The following RMST variants were observed in gnomAD, a reference collection of about 807,000 sequenced individuals.
The protein encoded by RMST is long intergenic non-protein coding RNA 54.
intron 13 of RMST, among the ~76,000 whole-genome samples, chr12:97,561,505 T>G (rs1310372812): frequency 6.6e-6 from 1 of 152,128 alleles, no homozygotes. Flanking sequence ...GAATCTGAAT[T>G]TTCAATTCAC....
intron 5 of RMST, among the ~76,000 whole-genome samples, chr12:97,470,266 G>T (rs928658909): frequency 2.6e-5 from 4 of 152,074 alleles, no homozygotes; most frequent in African/African-American, 9.7e-5. Flanking sequence ...GTGTTTGTAG[G>T]TGTGCCCAAC....
At chr12:97,492,786 C>T (rs1431103902) in intron 6 of RMST, 1 of 152,058 alleles carries the variant, frequency 6.6e-6, no homozygotes, top group Non-Finnish European at 1.5e-5. Context: ...AGTTTACTCC[C>T]TTGAAGGTCC....
intron 5 of RMST, among the ~76,000 whole-genome samples, chr12:97,467,276 T>A (rs1008444460): frequency 4.6e-5 from 7 of 152,038 alleles, no homozygotes; most frequent in African/African-American, 1.7e-4. Flanking sequence ...TCAGGAGATG[T>A]ACACACAAGT....
chr12:97,530,157 G>C (rs951024911), intron 10 of RMST, among the ~76,000 whole-genome samples: 1 of 152,124 alleles, frequency 6.6e-6, no homozygotes, highest in Non-Finnish European at 1.5e-5. Context: ...CACCAACATA[G>C]CACAGAGGTA....
chr12:97,498,360 C>T (rs968827352), intron 10 of RMST, among the ~76,000 whole-genome samples: 4 of 152,048 alleles, frequency 2.6e-5, no homozygotes, highest in Non-Finnish European at 4.4e-5. Context: ...TCTGCTCTAC[C>T]ACTTATTAGC....
chr12:97,559,379 T>C (rs935751331), intron 11 of RMST, among the ~76,000 whole-genome samples: 3 of 152,196 alleles, frequency 2.0e-5, no homozygotes, highest in Non-Finnish European at 4.4e-5. Context: ...AATTTAGTAG[T>C]GGGGCACCAG....
At chr12:97,532,656 T>TG (rs1319037818) in intron 11 of RMST, 3 of 149,534 alleles carry the variant, frequency 2.0e-5, no homozygotes, top group African/African-American at 4.9e-5. Flanking sequence ...TTTTTTTTTT[T>TG]TTTTTTTTTT....
At chr12:97,562,693 G>C (rs1394708570) in intron 13 of RMST, among the ~76,000 whole-genome samples, 1 of 152,230 alleles carries the variant, frequency 6.6e-6, no homozygotes, top group African/African-American at 2.4e-5. Flanking sequence ...ATAAACTAGA[G>C]TTTCAGATGC....
At chr12:97,543,637 T>C (rs919862152) in intron 11 of RMST, among the ~76,000 whole-genome samples, 2 of 151,996 alleles carry the variant, frequency 1.3e-5, no homozygotes, top group Admixed American at 1.3e-4. Context: ...CTGTCTAACA[T>C]TTATATAATG....
At chr12:97,539,787 A>C (rs1882362369) in intron 11 of RMST, among the ~76,000 whole-genome samples, 1 of 151,588 alleles carries the variant, frequency 6.6e-6, no homozygotes, top group Admixed American at 6.6e-5. Context: ...AGACATTTCA[A>C]TGAATTGTCT....
In RMST at chr12:97,517,092, T is replaced by G. The variant is rs75998751; in HGVS notation, n.1341-13563T>G. ...TCTTTAAAGATTAGATATTATAAACTCTCCTCTTATCAGATGGAAAGATTG... is the reference window on the plus strand; with the variant it reads ...TCTTTAAAGATTAGATATTATAAACGCTCCTCTTATCAGATGGAAAGATTG... On this transcript the variant is annotated intron_variant and non_coding_transcript_variant, in intron 10 of 13. Transcript: ENST00000640149. Among the ~76,000 whole-genome samples the G allele has an allele frequency of 2.6e-4, 40 of 152,026 alleles. No homozygotes were observed. The East Asian group carries it at 6.4e-3, about 24-fold the overall frequency.
chr12:97,521,450 A>ATG (rs1880502197), intron 10 of RMST, among the ~76,000 whole-genome samples: 4 of 152,072 alleles, frequency 2.6e-5, no homozygotes, highest in African/African-American at 7.3e-5. Context: ...ATGTATGTAT[A>ATG]TATAATATAC....
intron 11 of RMST, among the ~76,000 whole-genome samples, chr12:97,545,941 A>G (rs1178602300): frequency 6.6e-6 from 1 of 152,110 alleles, no homozygotes; most frequent in Non-Finnish European, 1.5e-5. Context: ...TATGTAAACA[A>G]CAGTTCATCA....
intron 5 of RMST, among the ~76,000 whole-genome samples, chr12:97,480,755 A>G (rs1875181968): frequency 6.6e-6 from 1 of 152,124 alleles, no homozygotes; most frequent in South Asian, 2.1e-4. Flanking sequence ...CATGAACCAT[A>G]TTATTTCTTT....
chr12:97,480,895 C>A (rs1466361571), intron 5 of RMST, among the ~76,000 whole-genome samples: 2 of 152,122 alleles, frequency 1.3e-5, no homozygotes, highest in East Asian at 1.9e-4. Context: ...CCTGTCCCCA[C>A]CCCCATCCCA....
intron 10 of RMST, among the ~76,000 whole-genome samples, chr12:97,509,059 T>C (rs554921287): frequency 6.6e-5 from 10 of 152,314 alleles, no homozygotes; most frequent in Middle Eastern, 6.8e-3. Context: ...TATGGTAAAA[T>C]GAATTCTCGG....
intron 10 of RMST, among the ~76,000 whole-genome samples, chr12:97,501,268 T>C (rs1565924696): frequency 6.6e-6 from 1 of 152,326 alleles, no homozygotes; most frequent in Middle Eastern, 3.4e-3. Flanking sequence ...ACGTTAAAAG[T>C]CATTGCCCCT....
At chr12:97,557,978 T>TA (rs141485762) in intron 11 of RMST, among the ~76,000 whole-genome samples, 15,248 of 152,082 alleles carry the variant, frequency 0.1, 1,645 homozygotes, top group African/African-American at 0.27. Flanking sequence ...GGAGATTGTA[T>TA]AAAAAAATGA....
intron 11 of RMST, among the ~76,000 whole-genome samples, chr12:97,554,047 C>T (rs1280103343): frequency 3.3e-5 from 5 of 150,888 alleles, no homozygotes; most frequent in Admixed American, 2.0e-4. Context: ...CTCCGCCTCC[C>T]GGGTTCAAGC....
Sources: allele counts gnomAD v4.1 joint callset (sites outside exome capture counted in the v4.1 genomes callset), GRCh38; gene constraint gnomAD v4.1.1; transcripts MANE v1.5; gene names NCBI Gene and HGNC (gene_info 2026-07-23, HGNC 2026-07-21).